Variants in AKIP1 observed in about 807,000 individuals in gnomAD.
AKIP1 encodes the protein A-kinase-interacting protein 1.
AKIP1 carries 18 observed loss-of-function variants against 22.3 expected under a neutral mutation model. That is an observed-to-expected ratio of 0.81 (90% CI 0.56 to 1.19). AKIP1 has a LOEUF of 1.19. AKIP1 is among the 50% of genes most tolerant of loss of function. The probability of loss-of-function intolerance (pLI) is 0.00; values close to 1 mark genes in which losing one functional copy is unlikely to be tolerated. For synonymous variants in AKIP1, 120 were observed against 102.7 expected (o/e 1.17, Z -1.02); for missense variants, 287 against 264.6 (o/e 1.08, Z -0.59).
At chr11:8,916,308 G>C (rs1003707522) in intron 4 of AKIP1, among the ~76,000 whole-genome samples, 1 of 152,020 alleles carries the variant, frequency 6.6e-6, no homozygotes, top group Non-Finnish European at 1.5e-5. Flanking sequence ...TGGGGACGGG[G>C]GTCTCTTTTA....
chr11:8,915,363 T>TC (rs1566105727), intron 4 of AKIP1, among the ~76,000 whole-genome samples: 4 of 133,274 alleles, frequency 3.0e-5, no homozygotes, highest in Non-Finnish European at 5.0e-5. Context: ...TTTTTCTTTT[T>TC]TTTTTTTTTT....
chr11:8,914,884 G>A lies in AKIP1; in HGVS notation c.362G>A (p.Arg121Lys), dbSNP rs1287620685. The change falls in exon 4 of 6, where the codon AGA becomes AAA. Residue 121 changes from arginine to lysine, a missense_variant. Arg to Lys is a conservative substitution (Grantham distance 26). Transcript: ENST00000309377. Reference protein sequence around the residue: ...GGATHVYRYHRGESKLHMCLD... With the variant: ...GGATHVYRYHKGESKLHMCLD... ...GCAACCCATGTCTATCGTTATCACA[G>A]AGGCGAGTCGAAGCTGCACATGTGC... 6.2e-7 allele frequency: 1 copy of A among 1,614,018 alleles called. No individual in the cohort carries two copies. Among genetic ancestry groups the A allele is most frequent in the Admixed American group, 1.7e-5 (1 of 60,024 alleles).
rs2064374352 is a variant in AKIP1, at chr11:8,912,032, T to G, written c.222+361T>G. ...GACCAACATGGAGAAATCCCGTCTC[T>G]ACTAAAAATACAAAATTAGCCGGGC... On this transcript the variant is annotated intron_variant, in intron 2 of 5. Coordinates refer to ENST00000309377, the MANE Select transcript of AKIP1 (RefSeq NM_020642.4). Among the ~76,000 whole-genome samples, 7 of 151,276 alleles carry G rather than the reference T, an allele frequency of 4.6e-5. No homozygotes were observed. In the South Asian group the frequency reaches 1.3e-3, roughly 27 times the overall value.
chr11:8,912,106 AG>A (rs34744875), intron 2 of AKIP1, among the ~76,000 whole-genome samples: 42,485 of 150,034 alleles, frequency 0.28, 6,863 homozygotes, highest in South Asian at 0.44. Flanking sequence ...CTGAGGCAGG[AG>A]AATCGCTTGA....
Position 8,917,310 on chromosome 11 carries a change from C to T in AKIP1, c.432C>T (p.Ser144=). ...AGAGAAAAGACAGAAAAAAGACATC[C>T]CTTGGTCCTGGAGGCAGCTATCAAA... ...NGQRKDRKKT[S]LGPGGSYQIS... The change falls in exon 5 of 6, where the codon TCC becomes TCT. Residue 144 remains serine, a synonymous_variant. Coordinates refer to ENST00000309377, the MANE Select transcript of AKIP1 (RefSeq NM_020642.4). The T allele has an allele frequency of 6.2e-7, 1 of 1,610,416 alleles. No homozygotes were observed. Among genetic ancestry groups the T allele is most frequent in the Non-Finnish European group, 8.5e-7 (1 of 1,177,902 alleles).
chr11:8,911,787 A>C (rs778495873), intron 2 of AKIP1, 116 bp downstream of exon 2: 5 of 1,036,936 alleles, frequency 4.8e-6, no homozygotes, highest in Non-Finnish European at 6.8e-6. Flanking sequence ...CGGAAGCTGG[A>C]AAGGATCAGA....
Position 8,919,650 on chromosome 11 carries a change from T to A in AKIP1, c.*170T>A. The A allele has an allele frequency of 1.4e-6, 1 of 724,158 alleles. No individual in the cohort carries two copies. Among genetic ancestry groups the A allele is most frequent in the Non-Finnish European group, 2.2e-6 (1 of 455,740 alleles). The allele number at this position is 724,158 out of a possible 1,614,324, so 44.9% of individuals were successfully genotyped here. ...TGCTTTTTTGTTTGTTTGGTTGGTT[T>A]TTTTTTGAGACAGTCTCACTCTGTT... On this transcript the variant is annotated 3_prime_UTR_variant, in exon 6 of 6. Coordinates refer to ENST00000309377, the MANE Select transcript of AKIP1 (RefSeq NM_020642.4).
chr11:8,914,517 G>T (rs940986014), intron 3 of AKIP1, among the ~76,000 whole-genome samples: 2 of 152,188 alleles, frequency 1.3e-5, no homozygotes, highest in South Asian at 4.1e-4. Flanking sequence ...ATTGGACATG[G>T]GGGCAAAGAT....
intron 2 of AKIP1, among the ~76,000 whole-genome samples, chr11:8,912,092 G>A (rs2064377131): frequency 7.2e-6 from 1 of 139,074 alleles, no homozygotes; most frequent in East Asian, 2.0e-4. Context: ...AGGTACTAGG[G>A]AGGCTGAGGC....
chr11:8,916,577 G>A (rs2653574), intron 4 of AKIP1, among the ~76,000 whole-genome samples: 30,051 of 152,134 alleles, frequency 0.2, 3,670 homozygotes, highest in Middle Eastern at 0.41. Context: ...TGGTCTGTCA[G>A]CCATTTTGGG....
chr11:8,911,736 G>C, intron 2 of AKIP1, 65 bp downstream of exon 2: 2 of 1,421,816 alleles, frequency 1.4e-6, no homozygotes, highest in Non-Finnish European at 1.9e-6. Context: ...TGGGAGCCAG[G>C]GGTGCGCAGC....
intron 4 of AKIP1, among the ~76,000 whole-genome samples, chr11:8,916,801 G>T (rs892119937): frequency 2.0e-5 from 3 of 152,184 alleles, no homozygotes. Flanking sequence ...TTAGGTACAT[G>T]TGGGGAAGAG....
At chr11:8,912,804 T>A (rs2064408087) in intron 3 of AKIP1, among the ~76,000 whole-genome samples, 1 of 150,746 alleles carries the variant, frequency 6.6e-6, no homozygotes, top group Admixed American at 6.6e-5. Context: ...TTCAGTCTAG[T>A]GGGGGGAAAA....
intron 3 of AKIP1, among the ~76,000 whole-genome samples, chr11:8,913,224 A>C (rs1279647176): frequency 1.4e-5 from 2 of 142,196 alleles, no homozygotes; most frequent in African/African-American, 2.7e-5. Context: ...TCCATCACCC[A>C]GGCTGGTGTG....
intron 3 of AKIP1, 26 bp downstream of exon 3, chr11:8,912,559 GCCCCATCA>G (rs769981533): frequency 2.2e-5 from 35 of 1,589,846 alleles, no homozygotes; most frequent in Middle Eastern, 1.7e-4. Flanking sequence ...CCAAAACTAT[GCCCCATCA>G]CCTGCTGATG....
At position 8,911,484 on chromosome 11, in the gene AKIP1, G is replaced by A. The variant is rs752458696; in HGVS notation, c.35G>A (p.Gly12Glu). 1.9e-6 allele frequency: 3 copies of A among 1,606,004 alleles called. No homozygotes were observed. Among genetic ancestry groups the A allele is most frequent in the Admixed American group, 3.4e-5 (2 of 58,784 alleles). ...DNCLAAAALN[G>E]VDRRSLQRSA... Reference sequence around the variant, plus strand: ...TGTTTGGCGGCCGCAGCGCTGAATGGGGTGGACCGACGTTCCCTGCAGCGT... The same window carrying A: ...TGTTTGGCGGCCGCAGCGCTGAATGAGGTGGACCGACGTTCCCTGCAGCGT... The change falls in exon 2 of 6, where the codon GGG (glycine) becomes GAG (glutamate). Residue 12 changes from glycine to glutamate, a missense_variant. By Grantham distance (98) the Gly-to-Glu change is moderately conservative (BLOSUM62 -2). Transcript: ENST00000309377.
intron 4 of AKIP1, among the ~76,000 whole-genome samples, chr11:8,915,341 G>T (rs1243845904): frequency 6.7e-6 from 1 of 148,416 alleles, no homozygotes; most frequent in Admixed American, 6.8e-5. Flanking sequence ...TACATCTAGG[G>T]ATAGGATTTT....
chr11:8,911,869 G>T (rs1280229834), intron 2 of AKIP1, among the ~76,000 whole-genome samples, 198 bp downstream of exon 2: 1 of 150,994 alleles, frequency 6.6e-6, no homozygotes, highest in East Asian at 2.0e-4. Context: ...GTAGAATAAC[G>T]GTAGTGTTCA....
In AKIP1 at chr11:8,912,607, G is replaced by A. The variant is rs540412914; in HGVS notation, c.303+74G>A. 1.7e-5 allele frequency: 23 copies of A among 1,335,216 alleles called. No individual in the cohort carries two copies. The African/African-American group carries it at 2.5e-4, about 14-fold the overall frequency. The allele number at this position is 1,335,216 out of a possible 1,614,324, so 82.7% of individuals were successfully genotyped here. On this transcript the variant is annotated intron_variant, in intron 3 of 5. Coordinates refer to ENST00000309377, the MANE Select transcript of AKIP1 (RefSeq NM_020642.4). ...ACATTTGGATCTTTCTGGAATTTAC[G>A]GAGAATCTGGACACTACCTGTTTCT...
Sources: allele counts gnomAD v4.1 joint callset (sites outside exome capture counted in the v4.1 genomes callset), GRCh38; gene constraint gnomAD v4.1.1; transcripts MANE v1.5; gene names NCBI Gene and HGNC (gene_info 2026-07-23, HGNC 2026-07-21).